TMC8: variants seen among roughly 807,000 people sequenced by gnomAD.
TMC8 encodes the protein transmembrane channel-like protein 8.
TMC8 carries 71 observed loss-of-function variants against 76.0 expected under a neutral mutation model. The observed-to-expected ratio is 0.93, with a 90% CI of 0.77 to 1.14. The LOEUF (loss-of-function observed/expected upper bound fraction) is 1.14. TMC8 is among the 50% of genes most tolerant of loss of function. The pLI is 0.00. For synonymous variants in TMC8, 433 were observed against 433.8 expected, an observed-to-expected ratio of 1.00 and a Z score of 0.02; for missense variants, 924 against 947.9, an observed-to-expected ratio of 0.97 and a Z score of 0.33.
At position 78,131,981 on chromosome 17, in the gene TMC8, G is replaced by A; in HGVS notation, c.249G>A (p.Arg83=). ...VERRLREAAQ[R]LARGLGLWEG... Reference sequence around the variant, plus strand: ...GGCGCCTGCGGGAGGCAGCGCAGCGGCTGGCCCGGGGCCTTGGGCTCTGGG... The same window carrying A: ...GGCGCCTGCGGGAGGCAGCGCAGCGACTGGCCCGGGGCCTTGGGCTCTGGG... The change falls in exon 3 of 16, where the codon CGG becomes CGA. Residue 83 remains arginine (R), a synonymous_variant. Transcript: ENST00000318430. 6.6e-7 allele frequency: 1 copy of A among 1,522,488 alleles called. No individual in the cohort carries two copies. Among genetic ancestry groups the A allele is most frequent in the Non-Finnish European group, 8.8e-7 (1 of 1,141,038 alleles). The allele number at this position is 1,522,488 out of a possible 1,614,324, so 94.3% of individuals were successfully genotyped here. A position where few individuals can be genotyped will look rare whatever the true frequency, so the allele number is the denominator to read the frequency against.
chr17:78,137,711 C>T lies in TMC8; in HGVS notation c.1252-6C>T, dbSNP rs2075270152. ...TGGTGACGGGTCCCCTTCCCCTGCA[C>T]CCCAGTGCTGGGAGAACTCCGTGGG... On this transcript the variant is annotated splice_polypyrimidine_tract_variant and splice_region_variant and intron_variant, in intron 10 of 15. Transcript: ENST00000318430. 6.2e-7 allele frequency: 1 copy of T among 1,612,754 alleles called. No individual in the cohort carries two copies. Among genetic ancestry groups the T allele is most frequent in the Non-Finnish European group, 8.5e-7 (1 of 1,179,412 alleles).
Position 78,132,384 on chromosome 17 carries a change from C to T in TMC8, c.324C>T (p.Ser108=). The change falls in exon 4 of 16, where the codon TCC becomes TCT. Residue 108 remains serine, a synonymous_variant. Coordinates refer to ENST00000318430, the MANE Select transcript of TMC8 (RefSeq NM_152468.5). ...GCCTCTTCGGCACAGGAATTCGGTC[C>T]TACTTCACCTTCCTCCGCTTCCTGC... ...IGGLFGTGIR[S]YFTFLRFLLL... 1 of 1,613,156 alleles carries T rather than the reference C, an allele frequency of 6.2e-7. No homozygotes were observed. The highest frequency in any genetic ancestry group is 8.5e-7 in the Non-Finnish European group (1 of 1,179,782).
At chr17:78,138,510 G>T in intron 13 of TMC8, 31 bp downstream of exon 13, 1 of 1,613,496 alleles carries the variant, frequency 6.2e-7, no homozygotes, top group Non-Finnish European at 8.5e-7. Flanking sequence ...GCACCCAGAG[G>T]CTGGCAGGGG....
intron 5 of TMC8, 117 bp from the exon 6 acceptor site, chr17:78,133,289 C>T (rs192008678): frequency 3.6e-5 from 55 of 1,534,576 alleles, no homozygotes; most frequent in African/African-American, 1.1e-4. Context: ...CCTTGTAAGA[C>T]GGGACACTCC....
At position 78,140,965 on chromosome 17, in the gene TMC8, C is replaced by G. The variant is rs2075361666; in HGVS notation, c.2034C>G (p.Cys678Trp). 6.3e-7 allele frequency: 1 copy of G among 1,593,912 alleles called. No homozygotes were observed. The highest frequency in any genetic ancestry group is 1.3e-5 in the African/African-American group (1 of 74,602). The change falls in exon 16 of 16, where the codon TGC becomes TGG. Residue 678 changes from cysteine (C) to tryptophan (W), a missense_variant. Cys to Trp is a radical substitution (Grantham distance 215). Transcript: ENST00000318430. ...GCCCGCAGTCCTTCTGCCCCGGATGCCCATGCCCTGGCTCCCCGGGCCACC... is the reference window on the plus strand; with the variant it reads ...GCCCGCAGTCCTTCTGCCCCGGATGGCCATGCCCTGGCTCCCCGGGCCACC... ...ASRPQSFCPG[C>W]PCPGSPGHQA...
chr17:78,137,809 T>C lies in TMC8; in HGVS notation c.1344T>C (p.Pro448=), dbSNP rs1009421600. 14 of 1,612,970 alleles carry C rather than the reference T, an allele frequency of 8.7e-6. No homozygotes were observed. In the Middle Eastern group the frequency reaches 5.0e-4, roughly 57 times the overall value. The part of the protein sequence containing the change: ...TVAFAFLVTL[P]RRLLVDRFSG... ...CCTTCGCCTTCCTGGTCACCCTGCC[T>C]CGGAGGTGAGCCCCGGGGTGACACC... Residue 448 remains proline (P), a synonymous_variant, in exon 11 of 16, where the codon CCT becomes CCC. Coordinates refer to ENST00000318430, the MANE Select transcript of TMC8 (RefSeq NM_152468.5).
intron 15 of TMC8, 51 bp from the exon 16 acceptor site, chr17:78,140,783 C>A: frequency 1.3e-6 from 2 of 1,569,536 alleles, no homozygotes; most frequent in Non-Finnish European, 1.7e-6. Context: ...TCCTCACACC[C>A]GCTCGTGGGA....
At chr17:78,135,560 G>A (rs1371480370) in intron 9 of TMC8, among the ~76,000 whole-genome samples, 2 of 152,096 alleles carry the variant, frequency 1.3e-5, no homozygotes, top group East Asian at 3.9e-4. Context: ...CCACTCCCAG[G>A]TTCTGCCATC....
At position 78,131,556 on chromosome 17, in the gene TMC8, C is replaced by CCGG. The variant is rs1568011121; in HGVS notation, c.-30_-28dup. On this transcript the variant is annotated 5_prime_UTR_variant, in exon 2 of 16. Coordinates refer to ENST00000318430, the MANE Select transcript of TMC8 (RefSeq NM_152468.5). ...GACTCATATCCCCCCCACCGGCAGC[C>CCGG]CGGCGCCCCAGCCTCTACCCGTGCC... is the stretch of plus-strand genomic sequence containing the variant. 1.3e-6 allele frequency: 2 copies of CCGG among 1,539,392 alleles called. No individual in the cohort carries two copies. The highest frequency in any genetic ancestry group is 1.7e-6 in the Non-Finnish European group (2 of 1,146,446).
In TMC8 at chr17:78,141,153, C is replaced by A; in HGVS notation, c.*41C>A. ...CCCCGAAGCCTCCCTGGGGCCCCTTCAGGCCTCCTTACTCCATCTTCCAGA... is the reference window on the plus strand; with the variant it reads ...CCCCGAAGCCTCCCTGGGGCCCCTTAAGGCCTCCTTACTCCATCTTCCAGA... On this transcript the variant is annotated 3_prime_UTR_variant, in exon 16 of 16. Transcript: ENST00000318430. 1.3e-6 allele frequency: 2 copies of A among 1,502,404 alleles called. No homozygotes were observed. The highest frequency in any genetic ancestry group is 1.8e-6 in the Non-Finnish European group (2 of 1,132,498). The allele number at this position is 1,502,404 out of a possible 1,614,324, so 93.1% of individuals were successfully genotyped here.
chr17:78,133,721 C>T, intron 6 of TMC8, 132 bp from the exon 7 acceptor site: 1 of 1,531,632 alleles, frequency 6.5e-7, no homozygotes, highest in South Asian at 1.2e-5. Context: ...CCGCCCCCTA[C>T]CCCGACTCCT....
Position 78,140,892 on chromosome 17 carries a change from GC to G in TMC8, c.1964del (p.Pro655ArgfsTer135), listed in dbSNP as rs1348188387. On this transcript the variant is annotated frameshift_variant, in exon 16 of 16. Transcript: ENST00000318430. LOFTEE classifies it low-confidence loss of function (END_TRUNC). ...CTGTCGCGACTGCTGCCGGAGCCAGGCCCGAGCGACTCTCCGGGCCCCAAGT... is the reference window on the plus strand; with the variant it reads ...CTGTCGCGACTGCTGCCGGAGCCAGGCCGAGCGACTCTCCGGGCCCCAAGT... ...EDLSRLLPEP[G>X]PSDSPGPKYP... The G allele has an allele frequency of 3.7e-6, 6 of 1,609,206 alleles. No homozygotes were observed. The highest frequency in any genetic ancestry group is 5.1e-6 in the Non-Finnish European group (6 of 1,178,598).
intron 7 of TMC8, 49 bp downstream of exon 7, chr17:78,134,049 G>A (rs370204582): frequency 1.9e-6 from 3 of 1,612,720 alleles, no homozygotes; most frequent in Non-Finnish European, 2.5e-6. Context: ...AGGTATATGG[G>A]AGCGAGTGCG....
chr17:78,140,153 T>C (rs1423369370), intron 15 of TMC8, among the ~76,000 whole-genome samples: 1 of 152,036 alleles, frequency 6.6e-6, no homozygotes, highest in Non-Finnish European at 1.5e-5. Flanking sequence ...CAAGACCTCG[T>C]CTCTACTAAA....
rs905936576 is a variant in TMC8 at position 78,132,102 on chromosome 17, G to A, written c.298+72G>A. On this transcript the variant is annotated intron_variant, in intron 3 of 15. Transcript: ENST00000318430. ...CACTGCCCAGATCGGAAAAAGGAGA[G>A]TGGCATCATCCCACCTGCCTTCACC... 8 of 1,530,730 alleles carry A rather than the reference G, an allele frequency of 5.2e-6. No homozygotes were observed. In the African/African-American group the frequency reaches 9.6e-5, roughly 18 times the overall value. 94.8% of individuals were successfully genotyped at this position (1,530,730 alleles called of 1,614,324 possible).
chr17:78,138,991 TGAGGGGCTCTGCGAGGAAG>T, intron 14 of TMC8, 152 bp from the exon 15 acceptor site: 2 of 1,550,006 alleles, frequency 1.3e-6, no homozygotes, highest in Non-Finnish European at 1.7e-6. Flanking sequence ...GGGGAGGGGA[TGAGGGGCTCTGCGAGGAAG>T]GAGAGGAGGG....
rs775574215 is a variant in TMC8 at position 78,138,732 on chromosome 17, G to A, written c.1823G>A (p.Ser608Asn). The A allele has an allele frequency of 2.5e-6, 4 of 1,606,870 alleles. No individual in the cohort carries two copies. Among genetic ancestry groups the A allele is most frequent in the African/African-American group, 1.3e-5 (1 of 74,944 alleles). Reference protein sequence around the residue: ...AFSFPLLIMLSLVLTVCVSQT... With the variant: ...AFSFPLLIMLNLVLTVCVSQT... ...AGCTTCCCCCTCCTCATCATGCTCA[G>A]GTTCTCAGGGCAGCCGGGGCCATGG... Residue 608 changes from serine (S) to asparagine (N), a missense_variant and splice_region_variant, in exon 14 of 16, where the codon AGC (serine) becomes AAC (asparagine). Coordinates refer to ENST00000318430, the MANE Select transcript of TMC8 (RefSeq NM_152468.5).
chr17:78,131,750 C>T lies in TMC8; in HGVS notation c.149+13C>T. On this transcript the variant is annotated intron_variant, in intron 2 of 15. Coordinates refer to ENST00000318430, the MANE Select transcript of TMC8 (RefSeq NM_152468.5). ...AGCGCCTCATCTGGTGGGTGCCACG[C>T]GGGCGCCAGACGGTGCGTGGGGGGG... 6.3e-7 allele frequency: 1 copy of T among 1,575,156 alleles called. No homozygotes were observed. The highest frequency in any genetic ancestry group is 8.6e-7 in the Non-Finnish European group (1 of 1,163,170).
intron 6 of TMC8, 122 bp from the exon 7 acceptor site, chr17:78,133,731 T>C: frequency 6.5e-7 from 1 of 1,550,140 alleles, no homozygotes; most frequent in South Asian, 1.1e-5. Flanking sequence ...CCCCGACTCC[T>C]CACTCACCAG....
Sources: allele counts gnomAD v4.1 joint callset (sites outside exome capture counted in the v4.1 genomes callset), GRCh38; gene constraint gnomAD v4.1.1; transcripts MANE v1.5; gene names NCBI Gene and HGNC (gene_info 2026-07-23, HGNC 2026-07-21).